The following RABGAP1L variants were observed in gnomAD, a reference collection of about 807,000 sequenced individuals.
RABGAP1L encodes the protein rab GTPase-activating protein 1-like.
Under a neutral mutation model 137.7 loss-of-function variants are expected in RABGAP1L, and 63 were observed. The ratio of observed to expected loss-of-function variants is 0.46; its 90% confidence interval spans 0.37 to 0.56. RABGAP1L has a LOEUF of 0.56. RABGAP1L is among the 20% of genes least tolerant of loss of function. The pLI, the probability that RABGAP1L is intolerant of heterozygous loss-of-function variation, is 0.00. For missense variants in RABGAP1L, 1,095 were observed against 1,244.0 expected (o/e 0.88, Z 1.80); for synonymous variants, 431 against 433.7 (o/e 0.99, Z 0.08).
chr1:174,890,295 T>A (rs1394922263), intron 19 of RABGAP1L, among the ~76,000 whole-genome samples: 1 of 152,190 alleles, frequency 6.6e-6, no homozygotes, highest in South Asian at 2.1e-4. Flanking sequence ...TGTCACACCT[T>A]GCACCCTGTG....
Position 174,315,346 on chromosome 1 carries a change from T to C in RABGAP1L, c.1465+10219T>C, listed in dbSNP as rs951056276. ...TTTTCTTGTTTCAGTTGGCATGGAATATCTTTTTCCATCTCTTTATTCTCC... is the reference window on the plus strand; with the variant it reads ...TTTTCTTGTTTCAGTTGGCATGGAACATCTTTTTCCATCTCTTTATTCTCC... On this transcript the variant is annotated intron_variant, in intron 11 of 25. Transcript: ENST00000681986. Among the ~76,000 whole-genome samples the C allele has an allele frequency of 6.8e-4, 104 of 152,290 alleles. 1 individual carries two copies. The highest frequency in any genetic ancestry group is 2.3e-3 in the African/African-American group (95 of 41,588).
intron 13 of RABGAP1L, among the ~76,000 whole-genome samples, chr1:174,538,629 A>G (rs1332536346): frequency 2.6e-5 from 4 of 152,198 alleles, no homozygotes; most frequent in African/African-American, 9.7e-5. Context: ...AGGTGGTTAT[A>G]ATGATATTTC....
intron 13 of RABGAP1L, among the ~76,000 whole-genome samples, chr1:174,552,767 T>C (rs560372584): frequency 5.3e-5 from 8 of 152,258 alleles, no homozygotes; most frequent in African/African-American, 1.9e-4. Flanking sequence ...AGTCAAATGG[T>C]ATTTCTGTCT....
chr1:174,458,487 G>A lies in RABGAP1L; in HGVS notation c.1710+64342G>A, dbSNP rs576258100. ...GAGTGATTTCAACCTGATTCAGTCA[G>A]GCATCAGGAAAATTTCTAGCATATG... is the stretch of plus-strand genomic sequence containing the variant. On this transcript the variant is annotated intron_variant, in intron 13 of 25. Transcript: ENST00000681986. Among the ~76,000 whole-genome samples the A allele has an allele frequency of 3.3e-5, 5 of 152,052 alleles. No individual in the cohort carries two copies. The South Asian group carries it at 8.3e-4, about 25-fold the overall frequency.
chr1:174,474,627 G>A (rs1571966721), intron 13 of RABGAP1L, among the ~76,000 whole-genome samples: 1 of 152,042 alleles, frequency 6.6e-6, no homozygotes, highest in Non-Finnish European at 1.5e-5. Flanking sequence ...ATTGTGAGAT[G>A]GAGTCTTGCT....
intron 12 of RABGAP1L, among the ~76,000 whole-genome samples, chr1:174,392,438 C>T (rs765257042): frequency 2.6e-5 from 4 of 152,162 alleles, no homozygotes; most frequent in African/African-American, 7.2e-5. Context: ...TATGGTAGCA[C>T]GTTAAGTCAT....
intron 13 of RABGAP1L, among the ~76,000 whole-genome samples, chr1:174,402,550 C>T (rs1648728958): frequency 6.6e-6 from 1 of 152,172 alleles, no homozygotes; most frequent in Non-Finnish European, 1.5e-5. Context: ...CAACCATTGT[C>T]TGTTGTTACA....
chr1:174,416,035 T>TATATATATATATACACATATAC (rs943543276), intron 13 of RABGAP1L, among the ~76,000 whole-genome samples: 8 of 83,800 alleles, frequency 9.5e-5, no homozygotes, highest in African/African-American at 5.6e-4. Flanking sequence ...TATATATATA[T>TATATATATATATACACATATAC]ACACACACAT....
chr1:174,378,678 G>A (rs1230605214), intron 12 of RABGAP1L, among the ~76,000 whole-genome samples: 16 of 151,998 alleles, frequency 1.1e-4, no homozygotes, highest in Non-Finnish European at 2.1e-4. Context: ...TGTAGATTCT[G>A]GATATCAGTC....
At chr1:174,913,665 G>A (rs1660403069) in intron 19 of RABGAP1L, among the ~76,000 whole-genome samples, 1 of 152,182 alleles carries the variant, frequency 6.6e-6, no homozygotes, top group African/African-American at 2.4e-5. Context: ...TGAGTAGCAA[G>A]TAAATAAATA....
chr1:174,541,235 A>T (rs542556370), intron 13 of RABGAP1L, among the ~76,000 whole-genome samples: 1 of 152,282 alleles, frequency 6.6e-6, no homozygotes, highest in East Asian at 1.9e-4. Context: ...GTCATCTGTA[A>T]ACAGGGACAA....
At chr1:174,304,490 A>G (rs888919282) in intron 10 of RABGAP1L, among the ~76,000 whole-genome samples, 8 of 151,980 alleles carry the variant, frequency 5.3e-5, no homozygotes, top group African/African-American at 1.9e-4. Flanking sequence ...ATATATTTTT[A>G]TACATATAGC....
chr1:174,333,303 T>C (rs777983421), intron 11 of RABGAP1L, among the ~76,000 whole-genome samples: 11 of 152,168 alleles, frequency 7.2e-5, no homozygotes, highest in Non-Finnish European at 1.5e-4. Flanking sequence ...TTCACATAGC[T>C]AGAACAGAGG....
intron 13 of RABGAP1L, among the ~76,000 whole-genome samples, chr1:174,420,199 CT>C (rs36019314): frequency 0.35 from 47,891 of 135,170 alleles, 10,281 homozygotes; most frequent in African/African-American, 0.62. Flanking sequence ...GCCCAACCTC[CT>C]TTTTTTTTTT....
intron 19 of RABGAP1L, chr1:174,948,686 T>C (rs1395076389): frequency 6.6e-6 from 1 of 152,100 alleles, no homozygotes; most frequent in East Asian, 1.9e-4. Flanking sequence ...TCCACAAATA[T>C]TAAGATTAAA....
rs544158929 is a variant in RABGAP1L, at chr1:174,435,897, C to T, written c.1710+41752C>T. On this transcript the variant is annotated intron_variant, in intron 13 of 25. Transcript: ENST00000681986. ...TTCGATTCCCACCTATGAGTGAAAA[C>T]ATGCAGTGTTTGATTTTTTGTCCTT... 3.8e-3 allele frequency among the ~76,000 whole-genome samples: 573 copies of T among 150,896 alleles called. 3 individuals carry two copies. Among genetic ancestry groups the T allele is most frequent in the Non-Finnish European group, 6.9e-3 (466 of 67,946 alleles).
At chr1:174,509,083 C>G (rs965393533) in intron 13 of RABGAP1L, among the ~76,000 whole-genome samples, 1 of 152,124 alleles carries the variant, frequency 6.6e-6, no homozygotes, top group African/African-American at 2.4e-5. Context: ...TAGAATATCT[C>G]TGAGTAAAAA....
chr1:174,946,284 C>T (rs1666751333), intron 19 of RABGAP1L, among the ~76,000 whole-genome samples: 1 of 152,046 alleles, frequency 6.6e-6, no homozygotes, highest in Admixed American at 6.6e-5. Flanking sequence ...AGATGACAGG[C>T]AATGTAGATG....
intron 18 of RABGAP1L, among the ~76,000 whole-genome samples, chr1:174,789,228 T>C (rs181448832): frequency 1.5e-3 from 226 of 152,334 alleles, no homozygotes; most frequent in African/African-American, 5.1e-3. Context: ...GTCTTTATGA[T>C]GGTTATAGAT....
Sources: allele counts gnomAD v4.1 joint callset (sites outside exome capture counted in the v4.1 genomes callset), GRCh38; gene constraint gnomAD v4.1.1; transcripts MANE v1.5; gene names NCBI Gene and HGNC (gene_info 2026-07-23, HGNC 2026-07-21).